DLX3: variants seen among roughly 807,000 people sequenced by gnomAD.
The protein encoded by DLX3 is distal-less homeobox 3.
A neutral mutation model predicts 28.0 loss-of-function variants in DLX3; 9 were observed. That is an observed-to-expected ratio of 0.32 (90% CI 0.19 to 0.56). The LOEUF is 0.56. DLX3 is among the 20% of genes least tolerant of loss of function. The pLI is 0.91. For missense variants in DLX3, 313 were observed against 378.2 expected (o/e 0.83, Z 1.43); for synonymous variants, 154 against 167.9 (o/e 0.92, Z 0.64).
rs1245425748 is a variant in DLX3 at position 49,994,991 on chromosome 17, C to A, written c.8G>T (p.Gly3Val). 6.2e-7 allele frequency: 1 copy of A among 1,611,454 alleles called. No homozygotes were observed. The highest frequency in any genetic ancestry group is 1.7e-5 in the Admixed American group (1 of 60,016). The change falls in exon 1 of 3, where the codon GGC (glycine) becomes GTC (valine). Residue 3 changes from glycine to valine, a missense_variant. Gly to Val is a moderately radical substitution (Grantham distance 109). Coordinates refer to ENST00000434704, the MANE Select transcript of DLX3 (RefSeq NM_005220.3). MS[G>V]SFDRKLSSIL... The stretch of plus-strand genomic sequence containing the variant: ...GCTGCTGAGCTTGCGATCGAAGGAG[C>A]CACTCATCCTGGCGGGCGCTGCACC...
rs924999784 is a variant in DLX3, at chr17:49,991,371, G to C, written c.*146C>G. 1 of 723,948 alleles carries C rather than the reference G, an allele frequency of 1.4e-6. No homozygotes were observed. Among genetic ancestry groups the C allele is most frequent in the Non-Finnish European group, 2.2e-6 (1 of 448,902 alleles). 44.8% of individuals were successfully genotyped at this position (723,948 alleles called of 1,614,324 possible). A position where few individuals can be genotyped will look rare whatever the true frequency, so the allele number is the denominator to read the frequency against. ...GTCCATGCAATTGTCATCTGGAAGC[G>C]CTTGGGTCCCTGGAGGAAGGGGCAA... is the stretch of plus-strand genomic sequence containing the variant. On this transcript the variant is annotated 3_prime_UTR_variant, in exon 3 of 3. Coordinates refer to ENST00000434704, the MANE Select transcript of DLX3 (RefSeq NM_005220.3).
At position 49,991,705 on chromosome 17, in the gene DLX3, G is replaced by C. The variant is rs1906096914; in HGVS notation, c.676C>G (p.Pro226Ala). The change falls in exon 3 of 3, where the codon CCT becomes GCT. Residue 226 changes from proline (P) to alanine (A), a missense_variant. By Grantham distance (27) the Pro-to-Ala change is conservative (BLOSUM62 -1). Transcript: ENST00000434704. ...WDTSSHSTPA[P>A]ARSQLPPPLP... is the part of the protein sequence containing the mutation. ...GGCGGGGGCAGCTGACTGCGGGCAGGGGCCGGAGTGGAGTGGGAAGAGGTG... is the reference window on the plus strand; with the variant it reads ...GGCGGGGGCAGCTGACTGCGGGCAGCGGCCGGAGTGGAGTGGGAAGAGGTG... 1.2e-6 allele frequency: 2 copies of C among 1,613,702 alleles called. No homozygotes were observed. Among genetic ancestry groups the C allele is most frequent in the African/African-American group, 1.3e-5 (1 of 74,890 alleles).
rs765349414 is a variant in DLX3 at position 49,991,569 on chromosome 17, G to A, written c.812C>T (p.Thr271Ile). 1.2e-6 allele frequency: 2 copies of A among 1,612,528 alleles called. No homozygotes were observed. The highest frequency in any genetic ancestry group is 4.5e-5 in the East Asian group (2 of 44,870). The change falls in exon 3 of 3, where the codon ACC (threonine) becomes ATC (isoleucine). Residue 271 changes from threonine to isoleucine, a missense_variant. By Grantham distance (89) the Thr-to-Ile change is moderately conservative. Around this residue, in one of 3 missense-constraint regions of DLX3, gnomAD observed 120 missense variants for 145.4 expected, o/e 0.83. Coordinates refer to ENST00000434704, the MANE Select transcript of DLX3 (RefSeq NM_005220.3). ...GGGCCCGGGAGAGGCATGGTGCAGG[G>A]TGGCTGGCTGAGGCGGCTGCTGCTG... ...HLQQQPPQPA[T>I]LHHASPGPPP... is the part of the protein sequence containing the mutation.
chr17:49,991,176 G>C lies in DLX3; in HGVS notation c.*341C>G, dbSNP rs1396358420. On this transcript the variant is annotated 3_prime_UTR_variant, in exon 3 of 3. Transcript: ENST00000434704. ...CCCCCATCCCAAGGTCTCCAGTCTG[G>C]GAACAGGCACTAAGTTTAAGAAGCT... The C allele has an allele frequency of 3.8e-6, 1 of 263,502 alleles. No individual in the cohort carries two copies. Among genetic ancestry groups the C allele is most frequent in the African/African-American group, 2.2e-5 (1 of 45,080 alleles). 16.3% of individuals were successfully genotyped at this position (263,502 alleles called of 1,614,324 possible). A position where few individuals can be genotyped will look rare whatever the true frequency, so the allele number is the denominator to read the frequency against.
rs780565504 is a variant in DLX3, at chr17:49,995,041, G to T, written c.-43C>A. On this transcript the variant is annotated 5_prime_UTR_variant, in exon 1 of 3. Coordinates refer to ENST00000434704, the MANE Select transcript of DLX3 (RefSeq NM_005220.3). ...CTCCCCAGGGCTGGCCTCCGCAGAGGACAGGAACGGACCGGAGTGCGAGAG... is the reference window on the plus strand; with the variant it reads ...CTCCCCAGGGCTGGCCTCCGCAGAGTACAGGAACGGACCGGAGTGCGAGAG... 1.4e-5 allele frequency: 22 copies of T among 1,597,136 alleles called. No individual in the cohort carries two copies. The East Asian group carries it at 4.7e-4, about 34-fold the overall frequency.
rs748763551 is a variant in DLX3, at chr17:49,994,943, G to T, written c.56C>A (p.Ser19Tyr). 39 of 1,613,776 alleles carry T rather than the reference G, an allele frequency of 2.4e-5. No individual in the cohort carries two copies. The highest frequency in any genetic ancestry group is 3.3e-5 in the Non-Finnish European group (39 of 1,180,056). The change falls in exon 1 of 3, where the codon TCC (serine) becomes TAC (tyrosine). Residue 19 changes from serine to tyrosine, a missense_variant. By Grantham distance (144) the Ser-to-Tyr change is moderately radical (BLOSUM62 -2). This residue lies in a region of DLX3 where 183 missense variants were observed against 197.7 expected (regional missense o/e 0.93). Coordinates refer to ENST00000434704, the MANE Select transcript of DLX3 (RefSeq NM_005220.3). Reference protein sequence around the residue: ...LSSILTDISSSLSCHAGSKDS... With the variant: ...LSSILTDISSYLSCHAGSKDS... ...CTTGGAGCCCGCATGGCAGCTAAGGGAGCTGGAGATGTCGGTGAGGATGCT... is the reference window on the plus strand; with the variant it reads ...CTTGGAGCCCGCATGGCAGCTAAGGTAGCTGGAGATGTCGGTGAGGATGCT...
chr17:49,991,769 G>T lies in DLX3; in HGVS notation c.612C>A (p.Ser204=). The T allele has an allele frequency of 6.2e-7, 1 of 1,614,120 alleles. No homozygotes were observed. The highest frequency in any genetic ancestry group is 8.5e-7 in the Non-Finnish European group (1 of 1,180,004). The change falls in exon 3 of 3, where the codon TCC becomes TCA. Residue 204 remains serine, a synonymous_variant. Transcript: ENST00000434704. ...PLEHSPNNSD[S]MACNSPPSPA... is the part of the protein sequence containing the mutation. ...GTGATGGTGGTGAGTTGCAGGCCATGGAATCACTGTTATTGGGACTGTGCT... is the reference window on the plus strand; with the variant it reads ...GTGATGGTGGTGAGTTGCAGGCCATTGAATCACTGTTATTGGGACTGTGCT...
rs200244480 is a variant in DLX3, at chr17:49,993,557, C to G, written c.359G>C (p.Arg120Pro). The G allele has an allele frequency of 1.9e-6, 3 of 1,613,646 alleles. No individual in the cohort carries two copies. The highest frequency in any genetic ancestry group is 2.5e-6 in the Non-Finnish European group (3 of 1,179,682). ...SVKEEPEAEV[R>P]MVNGKPKKVR... ...CTTCTTGGGCTTCCCATTCACCATG[C>G]GCACCTCTGCTTCCGGCTCCTCCTT... The change falls in exon 2 of 3, where the codon CGC becomes CCC. Residue 120 changes from arginine (R) to proline (P), a missense_variant. Transcript: ENST00000434704.
chr17:49,994,577 AG>A lies in DLX3; in HGVS notation c.325+96del, dbSNP rs922131694. 40 of 1,398,426 alleles carry A rather than the reference AG, an allele frequency of 2.9e-5. No individual in the cohort carries two copies. In the African/African-American group the frequency reaches 5.7e-4, roughly 20 times the overall value. 86.6% of individuals were successfully genotyped at this position (1,398,426 alleles called of 1,614,324 possible). A position where few individuals can be genotyped will look rare whatever the true frequency, so the allele number is the denominator to read the frequency against. On this transcript the variant is annotated intron_variant, in intron 1 of 2. Coordinates refer to ENST00000434704, the MANE Select transcript of DLX3 (RefSeq NM_005220.3). ...TCTAACTCCAGACAGTACTTTTCTT[AG>A]AAGTTTTCCTAGATTTTGGCTTCCA...
At chr17:49,993,721 C>G (rs1906182862) in intron 1 of DLX3, 131 bp from the exon 2 acceptor site, 3 of 1,077,810 alleles carry the variant, frequency 2.8e-6, no homozygotes, top group Non-Finnish European at 3.8e-6. Flanking sequence ...CGGCCGCGCG[C>G]TCCGCTGCCC....
rs759169426 is a variant in DLX3 at position 49,991,277 on chromosome 17, A to G, written c.*240T>C. On this transcript the variant is annotated 3_prime_UTR_variant, in exon 3 of 3. Transcript: ENST00000434704. ...GGAATGGCTGTCCCCACTGGGGTGGAATGTCCCCACATCTGGAGGGGTACC... is the reference window on the plus strand; with the variant it reads ...GGAATGGCTGTCCCCACTGGGGTGGGATGTCCCCACATCTGGAGGGGTACC... 1.9e-5 allele frequency: 10 copies of G among 517,492 alleles called. No homozygotes were observed. Among genetic ancestry groups the G allele is most frequent in the Non-Finnish European group, 3.4e-5 (10 of 295,944 alleles). 32.1% of individuals were successfully genotyped at this position (517,492 alleles called of 1,614,324 possible). A position where few individuals can be genotyped will look rare whatever the true frequency, so the allele number is the denominator to read the frequency against.
intron 1 of DLX3, 40 bp from the exon 2 acceptor site, chr17:49,993,630 C>A: frequency 6.2e-7 from 1 of 1,602,800 alleles, no homozygotes. Context: ...GGCGGTTCAG[C>A]CTCGGCCTGC....
Position 49,991,523 on chromosome 17 carries a change from CA to C in DLX3, c.857del (p.Val286GlyfsTer11). Reference sequence around the variant, plus strand: ...GTGCAGGCCAGATGGGTGCTCAGTACACAGCCCCAGGGTTGGGCGGGGGCCC... The same window carrying C: ...GTGCAGGCCAGATGGGTGCTCAGTACCAGCCCCAGGGTTGGGCGGGGGCCC... ...SPGPPPNPGAVY is the reference protein window; with the variant it reads ...SPGPPPNPGAXY On this transcript the variant is annotated frameshift_variant, in exon 3 of 3. Transcript: ENST00000434704. LOFTEE classifies it high-confidence loss of function. 1 of 1,602,578 alleles carries C rather than the reference CA, an allele frequency of 6.2e-7. No individual in the cohort carries two copies. Among genetic ancestry groups the C allele is most frequent in the Non-Finnish European group, 8.5e-7 (1 of 1,178,162 alleles).
chr17:49,992,040 C>T (rs920448932), intron 2 of DLX3, among the ~76,000 whole-genome samples, 176 bp from the exon 3 acceptor site: 20 of 152,096 alleles, frequency 1.3e-4, no homozygotes, highest in Non-Finnish European at 2.9e-4. Context: ...TGGCTAGGAA[C>T]GTTCAGCTGC....
chr17:49,991,997 G>T, intron 2 of DLX3, 133 bp from the exon 3 acceptor site: 1 of 856,500 alleles, frequency 1.2e-6, no homozygotes, highest in Non-Finnish European at 1.9e-6. Context: ...CAGGCCTCCT[G>T]ACTCCCAGTT....
chr17:49,994,805 T>G lies in DLX3; in HGVS notation c.194A>C (p.Tyr65Ser). The change falls in exon 1 of 3, where the codon TAC becomes TCC. Residue 65 changes from tyrosine to serine, a missense_variant. Physicochemically the swap from Tyr to Ser is moderately radical, Grantham distance 144. Coordinates refer to ENST00000434704, the MANE Select transcript of DLX3 (RefSeq NM_005220.3). ...PYGQTVNPYT[Y>S]HHQFNLNGLA... ...CCCATTGAGATTGAATTGGTGGTGG[T>G]AGGTGTAGGGGTTCACCGTCTGGCC... 11 of 1,614,176 alleles carry G rather than the reference T, an allele frequency of 6.8e-6. No individual in the cohort carries two copies. The highest frequency in any genetic ancestry group is 9.3e-6 in the Non-Finnish European group (11 of 1,180,032).
rs2144187105 is a variant in DLX3 at position 49,994,664 on chromosome 17, T to A, written c.325+10A>T. 1 of 1,614,036 alleles carries A rather than the reference T, an allele frequency of 6.2e-7. No individual in the cohort carries two copies. The highest frequency in any genetic ancestry group is 2.2e-5 in the East Asian group (1 of 44,874). Reference sequence around the variant, plus strand: ...GTCTCCCACTGTCCTCGCGACCCCGTGGCCCTCACCTGGGTCCTGGGCTGG... The same window carrying A: ...GTCTCCCACTGTCCTCGCGACCCCGAGGCCCTCACCTGGGTCCTGGGCTGG... On this transcript the variant is annotated intron_variant, in intron 1 of 2. Transcript: ENST00000434704.
Position 49,990,960 on chromosome 17 carries a change from G to A in DLX3, c.*557C>T, listed in dbSNP as rs934645238. On this transcript the variant is annotated 3_prime_UTR_variant, in exon 3 of 3. Transcript: ENST00000434704. ...CTCAAATCTTAAATGAGGGCTAGAA[G>A]TGCAGGGCGGTGACCAGTTCAGGTC... The A allele has an allele frequency of 3.9e-5, 6 of 154,304 alleles. No individual in the cohort carries two copies. Among genetic ancestry groups the A allele is most frequent in the African/African-American group, 1.4e-4 (6 of 41,474 alleles). 9.6% of individuals were successfully genotyped at this position (154,304 alleles called of 1,614,324 possible).
In DLX3 at chr17:49,991,778, G is replaced by C. The variant is rs1906100389; in HGVS notation, c.603C>G (p.Asn201Lys). The part of the protein sequence containing the change: ...GEVPLEHSPN[N>K]SDSMACNSPP... The stretch of plus-strand genomic sequence containing the variant: ...GTGAGTTGCAGGCCATGGAATCACT[G>C]TTATTGGGACTGTGCTCCAGCGGCA... The change falls in exon 3 of 3, where the codon AAC becomes AAG. Residue 201 changes from asparagine (N) to lysine (K), a missense_variant. This residue lies in a region of DLX3 where 120 missense variants were observed against 145.4 expected (regional missense o/e 0.83). Transcript: ENST00000434704. 6.2e-7 allele frequency: 1 copy of C among 1,614,136 alleles called. No homozygotes were observed. Among genetic ancestry groups the C allele is most frequent in the Non-Finnish European group, 8.5e-7 (1 of 1,180,000 alleles).
Sources: allele counts gnomAD v4.1 joint callset (sites outside exome capture counted in the v4.1 genomes callset), GRCh38; gene constraint gnomAD v4.1.1; regional missense constraint gnomAD v4.1.1; transcripts MANE v1.5; gene names NCBI Gene and HGNC (gene_info 2026-07-23, HGNC 2026-07-21).